Variants in KIAA1328 observed in about 807,000 individuals in gnomAD.
KIAA1328 encodes KIAA1328.
In KIAA1328, 52 loss-of-function variants were observed where a neutral mutation model predicts 68.1. The observed-to-expected ratio is 0.76, with a 90% CI of 0.61 to 0.96. The LOEUF is 0.96. Among genes scored for constraint, KIAA1328 ranks in the 40% least tolerant of loss-of-function variants. The pLI, the probability that KIAA1328 is intolerant of heterozygous loss-of-function variation, is 0.00. For missense variants in KIAA1328, 641 were observed against 677.6 expected (o/e 0.95, Z 0.60); for synonymous variants, 232 against 239.4 (o/e 0.97, Z 0.28).
intron 8 of KIAA1328, among the ~76,000 whole-genome samples, chr18:37,166,426 A>AT (rs1409547307): frequency 1.3e-5 from 2 of 151,922 alleles, no homozygotes; most frequent in South Asian, 2.1e-4. Flanking sequence ...ACATTATGAG[A>AT]TTTTTTTGTT....
chr18:36,870,821 G>A (rs1200607950), intron 4 of KIAA1328, among the ~76,000 whole-genome samples: 1 of 152,170 alleles, frequency 6.6e-6, no homozygotes, highest in Non-Finnish European at 1.5e-5. Flanking sequence ...CTTCAATTCA[G>A]TCTTTCATAA....
intron 7 of KIAA1328, among the ~76,000 whole-genome samples, chr18:37,107,134 C>A (rs2057797888): frequency 6.6e-6 from 1 of 152,146 alleles, no homozygotes; most frequent in Non-Finnish European, 1.5e-5. Flanking sequence ...CCCAGCTACT[C>A]AGGAGGCTGA....
intron 1 of KIAA1328, 161 bp from the exon 2 acceptor site, chr18:36,834,159 G>A: frequency 8.9e-7 from 1 of 1,128,330 alleles, no homozygotes; most frequent in African/African-American, 1.6e-5. Context: ...TTCTAACTTT[G>A]TTTTTAATTC....
At position 37,223,350 on chromosome 18, in the gene KIAA1328, G is replaced by A. The variant is rs1304111953; in HGVS notation, c.*1123G>A. 5 of 985,388 alleles carry A rather than the reference G, an allele frequency of 5.1e-6. No individual in the cohort carries two copies. Among genetic ancestry groups the A allele is most frequent in the Admixed American group, 6.1e-5 (1 of 16,266 alleles). The allele number at this position is 985,388 out of a possible 1,614,324, so 61.0% of individuals were successfully genotyped here. On this transcript the variant is annotated 3_prime_UTR_variant, in exon 10 of 10. Coordinates refer to ENST00000280020, the MANE Select transcript of KIAA1328 (RefSeq NM_020776.3). ...AGAGAAAGCCTATGGAAGTTATGCA[G>A]TGCAGACCTCATCCTGTCTGCTGTC...
chr18:37,033,255 A>C (rs1599033640), intron 6 of KIAA1328, among the ~76,000 whole-genome samples: 1 of 152,220 alleles, frequency 6.6e-6, no homozygotes, highest in East Asian at 1.9e-4. Context: ...TGTCATCTCC[A>C]GGTGTTTTTC....
intron 4 of KIAA1328, among the ~76,000 whole-genome samples, chr18:36,873,941 G>T (rs927058760): frequency 1.3e-5 from 2 of 152,134 alleles, no homozygotes; most frequent in Admixed American, 1.3e-4. Context: ...TGCAGTGTTT[G>T]GTTTTCTGTT....
At chr18:36,881,136 GTTT>G (rs765071340) in intron 4 of KIAA1328, among the ~76,000 whole-genome samples, 3 of 131,642 alleles carry the variant, frequency 2.3e-5, no homozygotes, top group Admixed American at 7.7e-5. Flanking sequence ...AAGTTAACTT[GTTT>G]TTTTTTTTTT....
At chr18:37,213,996 G>A (rs2154220480) in intron 9 of KIAA1328, among the ~76,000 whole-genome samples, 1 of 152,252 alleles carries the variant, frequency 6.6e-6, no homozygotes, top group African/African-American at 2.4e-5. Flanking sequence ...TGATAGGGTT[G>A]TTTGATTTTT....
At chr18:36,905,941 C>G (rs979045659) in intron 5 of KIAA1328, among the ~76,000 whole-genome samples, 1 of 152,112 alleles carries the variant, frequency 6.6e-6, no homozygotes, top group Non-Finnish European at 1.5e-5. Context: ...CAACTTCTGC[C>G]ATCTATTTAA....
chr18:36,836,710 G>A (rs1039029365), intron 3 of KIAA1328, among the ~76,000 whole-genome samples: 2 of 151,902 alleles, frequency 1.3e-5, no homozygotes, highest in Admixed American at 1.3e-4. Context: ...TCACAGAGTT[G>A]TGGATCCATC....
At chr18:37,039,061 C>A (rs1227517795) in intron 6 of KIAA1328, among the ~76,000 whole-genome samples, 2 of 152,214 alleles carry the variant, frequency 1.3e-5, no homozygotes, top group Middle Eastern at 3.4e-3. Flanking sequence ...CTGGAATAAA[C>A]CTCACTTGAT....
At chr18:37,148,073 G>A (rs557267798) in intron 7 of KIAA1328, among the ~76,000 whole-genome samples, 7 of 151,922 alleles carry the variant, frequency 4.6e-5, no homozygotes, top group South Asian at 2.1e-4. Context: ...TCAACCCATC[G>A]CATAGACATT....
chr18:37,153,130 T>C (rs549336889), intron 7 of KIAA1328, among the ~76,000 whole-genome samples: 8 of 152,272 alleles, frequency 5.3e-5, no homozygotes, highest in African/African-American at 1.7e-4. Flanking sequence ...GTCCGACCAA[T>C]CTTTTGGGCC....
At chr18:36,968,374 A>G (rs1391940227) in intron 6 of KIAA1328, among the ~76,000 whole-genome samples, 1 of 152,202 alleles carries the variant, frequency 6.6e-6, no homozygotes, top group Non-Finnish European at 1.5e-5. Context: ...CAAGAGACCC[A>G]TGTCATGTGC....
chr18:37,153,632 T>A (rs112159805), intron 7 of KIAA1328, among the ~76,000 whole-genome samples: 7 of 146,692 alleles, frequency 4.8e-5, no homozygotes, highest in African/African-American at 1.8e-4. Flanking sequence ...AGCTTTTTTT[T>A]TTTTTTTTTT....
intron 6 of KIAA1328, among the ~76,000 whole-genome samples, chr18:36,992,043 G>T (rs969336943): frequency 2.0e-5 from 3 of 152,128 alleles, no homozygotes; most frequent in African/African-American, 7.2e-5. Flanking sequence ...CTTTTCATAG[G>T]TATGTTGTCA....
At chr18:37,187,092 A>T (rs1158052229) in intron 9 of KIAA1328, among the ~76,000 whole-genome samples, 1 of 152,078 alleles carries the variant, frequency 6.6e-6, no homozygotes, top group African/African-American at 2.4e-5. Flanking sequence ...TGAGCCTGGG[A>T]AGCAGAGGTT....
intron 7 of KIAA1328, among the ~76,000 whole-genome samples, chr18:37,128,596 A>C (rs771118988): frequency 6.6e-6 from 1 of 152,212 alleles, no homozygotes; most frequent in Non-Finnish European, 1.5e-5. Context: ...ATAGTTTGGG[A>C]AGTTTTAATC....
chr18:37,098,047 T>A (rs897147995), intron 7 of KIAA1328, among the ~76,000 whole-genome samples: 1 of 152,164 alleles, frequency 6.6e-6, no homozygotes, highest in Non-Finnish European at 1.5e-5. Flanking sequence ...CCTCTTTTCC[T>A]AATTGAATAC....
Sources: gnomAD v4.1 joint callset for allele counts (sites outside exome capture counted in the v4.1 genomes callset) on GRCh38, gnomAD v4.1.1 for gene constraint, MANE v1.5 for transcripts, NCBI Gene and HGNC (gene_info 2026-07-23, HGNC 2026-07-21) for gene names.